The following FBXL13 variants were observed in gnomAD, a reference collection of about 807,000 sequenced individuals.
FBXL13 encodes F-box and leucine-rich repeat protein 13.
FBXL13 carries 67 observed loss-of-function variants against 83.6 expected under a neutral mutation model. That is an observed-to-expected ratio of 0.80 (90% CI 0.66 to 0.98). FBXL13 has a LOEUF of 0.98. Among genes scored for constraint, FBXL13 ranks in the 50% least tolerant of loss-of-function variants. FBXL13 has a pLI of 0.00. For synonymous variants in FBXL13, 272 were observed against 299.5 expected (o/e 0.91, Z 0.95); for missense variants, 822 against 866.5 (o/e 0.95, Z 0.64).
At chr7:102,991,021 A>C (rs1829506500) in intron 6 of FBXL13, among the ~76,000 whole-genome samples, 1 of 152,222 alleles carries the variant, frequency 6.6e-6, no homozygotes, top group African/African-American at 2.4e-5. Flanking sequence ...GGACAAATGA[A>C]AAATAAGTCA....
rs1797628693 is a variant in FBXL13, at chr7:103,059,249, G to C, written c.-104-3502C>G. On this transcript the variant is annotated intron_variant, in intron 1 of 19. Coordinates refer to ENST00000313221, the Ensembl canonical transcript of FBXL13. ...GTTATTATCACAACACTCTACTGCA[G>C]CCTGGGTGGCAGAGAAAGACCTTGT... is the stretch of plus-strand genomic sequence containing the variant. 2.6e-5 allele frequency among the ~76,000 whole-genome samples: 4 copies of C among 152,278 alleles called. No individual in the cohort carries two copies. The South Asian group carries it at 8.3e-4, about 32-fold the overall frequency.
intron 6 of FBXL13, among the ~76,000 whole-genome samples, chr7:102,974,764 CCT>C (rs759410415): frequency 3.3e-5 from 5 of 152,052 alleles, no homozygotes; most frequent in African/African-American, 7.3e-5. Flanking sequence ...CCTGCCTCTC[CCT>C]CTCAGCCGTC....
At chr7:102,815,353 T>C (rs1441081963) in intron 19 of FBXL13, among the ~76,000 whole-genome samples, 1 of 152,236 alleles carries the variant, frequency 6.6e-6, no homozygotes, top group Non-Finnish European at 1.5e-5. Context: ...AAGAGTTTAT[T>C]ACATTTCTTT....
intron 11 of FBXL13, among the ~76,000 whole-genome samples, chr7:102,903,547 G>A (rs1461575904): frequency 6.6e-6 from 1 of 152,008 alleles, no homozygotes; most frequent in East Asian, 1.9e-4. Context: ...TACTAGCTGT[G>A]GGCCTGTCAT....
chr7:102,910,179 T>C (rs1171449037), intron 11 of FBXL13, among the ~76,000 whole-genome samples: 1 of 152,082 alleles, frequency 6.6e-6, no homozygotes, highest in Non-Finnish European at 1.5e-5. Context: ...AGGACAGCAC[T>C]AAGTTCAATG....
intron 2 of FBXL13, among the ~76,000 whole-genome samples, chr7:103,036,152 G>A (rs1256008038): frequency 1.3e-5 from 2 of 152,094 alleles, no homozygotes; most frequent in South Asian, 2.1e-4. Flanking sequence ...ATGATCTGAG[G>A]TACAACAGTT....
chr7:102,867,695 A>ATATATT (rs1239781180), intron 16 of FBXL13, among the ~76,000 whole-genome samples: 10 of 49,072 alleles, frequency 2.0e-4, no homozygotes, highest in African/African-American at 9.8e-4. Context: ...ATATATATAT[A>ATATATT]TTTTTTTTTT....
At chr7:102,971,859 C>A (rs924256832) in intron 6 of FBXL13, among the ~76,000 whole-genome samples, 5 of 151,742 alleles carry the variant, frequency 3.3e-5, no homozygotes, top group African/African-American at 1.2e-4. Flanking sequence ...AACCCCATCT[C>A]TACTAAAAAT....
At chr7:102,829,846 A>G (rs1288934429) in intron 18 of FBXL13, among the ~76,000 whole-genome samples, 1 of 152,156 alleles carries the variant, frequency 6.6e-6, no homozygotes, top group African/African-American at 2.4e-5. Context: ...GCTCATCAAA[A>G]TCAACATAAG....
downstream of FBXL13, chr7:102,813,170 A>G: frequency 1.5e-6 from 1 of 660,068 alleles, no homozygotes; most frequent in Non-Finnish European, 2.5e-6. Flanking sequence ...GATTATTTAG[A>G]CAGAAGAACT....
intron 2 of FBXL13, among the ~76,000 whole-genome samples, chr7:103,039,861 A>C (rs1048409283): frequency 6.6e-6 from 1 of 152,178 alleles, no homozygotes; most frequent in Non-Finnish European, 1.5e-5. Flanking sequence ...GGTACCAGCC[A>C]CTGTAAAAAC....
At chr7:102,849,840 G>A (rs1029766943) in intron 17 of FBXL13, among the ~76,000 whole-genome samples, 1 of 151,958 alleles carries the variant, frequency 6.6e-6, no homozygotes, top group African/African-American at 2.4e-5. Flanking sequence ...AAAGCAGGGA[G>A]GAGAAAAAGA....
intron 6 of FBXL13, among the ~76,000 whole-genome samples, chr7:103,018,890 C>A (rs1360922983): frequency 6.6e-6 from 1 of 151,304 alleles, no homozygotes; most frequent in Non-Finnish European, 1.5e-5. Context: ...GACTTTAACA[C>A]CCCACTGTCA....
intron 10 of FBXL13, among the ~76,000 whole-genome samples, chr7:102,919,595 T>C (rs1272135480): frequency 1.3e-5 from 2 of 152,142 alleles, no homozygotes; most frequent in African/African-American, 4.8e-5. Context: ...AAAAAATAGG[T>C]TACCAACAAA....
intron 6 of FBXL13, among the ~76,000 whole-genome samples, chr7:102,971,434 C>T (rs1223686724): frequency 2.0e-5 from 3 of 151,742 alleles, no homozygotes; most frequent in Non-Finnish European, 4.4e-5. Context: ...CCCCTCTCTA[C>T]TAAAAACACA....
intron 1 of FBXL13, among the ~76,000 whole-genome samples, chr7:103,068,515 C>T (rs1798610121): frequency 6.6e-6 from 1 of 152,084 alleles, no homozygotes; most frequent in Non-Finnish European, 1.5e-5. Context: ...AGACACATTA[C>T]AAAAATCACA....
At chr7:102,905,309 T>A (rs1394278007) in intron 11 of FBXL13, among the ~76,000 whole-genome samples, 4 of 152,196 alleles carry the variant, frequency 2.6e-5, no homozygotes, top group Non-Finnish European at 5.9e-5. Context: ...GGTGCATATA[T>A]ATTTAAAATT....
chr7:102,864,405 GT>G (rs1178423337), intron 16 of FBXL13, among the ~76,000 whole-genome samples: 1 of 151,284 alleles, frequency 6.6e-6, no homozygotes, highest in Non-Finnish European at 1.5e-5. Context: ...TCTTCCTCTT[GT>G]CGCCCAGGCT....
At chr7:102,822,943 TCCCAGCTA>T (rs1244796687) in intron 18 of FBXL13, among the ~76,000 whole-genome samples, 1 of 152,112 alleles carries the variant, frequency 6.6e-6, no homozygotes, top group Non-Finnish European at 1.5e-5. Context: ...GTGCCTGTAG[TCCCAGCTA>T]CTTGGGAGGC....
Sources: gnomAD v4.1 joint callset for allele counts (sites outside exome capture counted in the v4.1 genomes callset) on GRCh38, gnomAD v4.1.1 for gene constraint, MANE v1.5 for transcripts, NCBI Gene and HGNC (gene_info 2026-07-23, HGNC 2026-07-21) for gene names.